Variants in MAST4 observed in about 807,000 individuals in gnomAD.
The protein encoded by MAST4 is microtubule associated serine/threonine kinase family member 4.
MAST4 carries 89 observed loss-of-function variants against 162.7 expected under a neutral mutation model. The ratio of observed to expected loss-of-function variants is 0.55; its 90% CI spans 0.46 to 0.65. MAST4 has a LOEUF of 0.65. MAST4 is among the 30% of genes least tolerant of loss of function. The pLI, the probability that MAST4 is intolerant of heterozygous loss-of-function variation, is 0.00. For missense variants in MAST4, 3,153 were observed against 3,374.0 expected (o/e 0.93, Z 1.62); for synonymous variants, 1,479 against 1,361.1 (o/e 1.09, Z -1.91).
chr5:66,681,790 T>C (rs1222399410), intron 1 of MAST4, among the ~76,000 whole-genome samples: 2 of 152,248 alleles, frequency 1.3e-5, no homozygotes, highest in Non-Finnish European at 2.9e-5. Context: ...CTGTCTTCTC[T>C]GTCCTCCCAA....
intron 5 of MAST4, among the ~76,000 whole-genome samples, chr5:67,055,900 A>G (rs1758746891): frequency 6.6e-6 from 1 of 152,010 alleles, no homozygotes; most frequent in African/African-American, 2.4e-5. Context: ...CGTGGATGAA[A>G]CTCAAATATA....
intron 4 of MAST4, among the ~76,000 whole-genome samples, chr5:67,049,058 T>TATAC (rs1284835940): frequency 4.7e-5 from 5 of 105,876 alleles, no homozygotes; most frequent in African/African-American, 1.6e-4. Flanking sequence ...TATATATATA[T>TATAC]ACGTATATAT....
At chr5:66,788,832 T>A in intron 3 of MAST4, 38 bp downstream of exon 3, 1 of 1,513,158 alleles carries the variant, frequency 6.6e-7, no homozygotes, top group Non-Finnish European at 8.8e-7. Context: ...CTGCTCCAGC[T>A]CACCACCTCT....
chr5:66,814,973 A>T (rs574340469), intron 3 of MAST4, among the ~76,000 whole-genome samples: 12 of 152,208 alleles, frequency 7.9e-5, no homozygotes, highest in African/African-American at 2.9e-4. Context: ...CTAGGTTTAT[A>T]TATTTGAATT....
chr5:66,810,051 T>C (rs1253229710), intron 3 of MAST4, among the ~76,000 whole-genome samples: 1 of 152,240 alleles, frequency 6.6e-6, no homozygotes, highest in Admixed American at 6.5e-5. Context: ...CACCATTGTA[T>C]AAATTGTCTG....
chr5:66,919,724 A>G (rs1764368074), intron 4 of MAST4, among the ~76,000 whole-genome samples: 1 of 152,046 alleles, frequency 6.6e-6, no homozygotes, highest in Non-Finnish European at 1.5e-5. Flanking sequence ...ACTCATATAA[A>G]AAACTAATAG....
At chr5:66,675,470 A>C (rs1747883070) in intron 1 of MAST4, among the ~76,000 whole-genome samples, 2 of 152,150 alleles carry the variant, frequency 1.3e-5, no homozygotes, top group Non-Finnish European at 2.9e-5. Flanking sequence ...GGTTGTGCTG[A>C]ATTTTAGAAA....
chr5:67,094,210 G>C (rs1303391657), intron 6 of MAST4: 1 of 1,377,940 alleles, frequency 7.3e-7, no homozygotes, highest in Non-Finnish European at 9.9e-7. Context: ...TCTGTGATTT[G>C]TCCACTTGAA....
chr5:67,150,433 A>G (rs1771662165), intron 24 of MAST4, among the ~76,000 whole-genome samples: 1 of 152,244 alleles, frequency 6.6e-6, no homozygotes, highest in South Asian at 2.1e-4. Flanking sequence ...GACATAAACA[A>G]ATGCTCATTT....
intron 3 of MAST4, among the ~76,000 whole-genome samples, chr5:66,804,683 A>AT (rs1756095171): frequency 6.6e-6 from 1 of 151,626 alleles, no homozygotes; most frequent in South Asian, 2.1e-4. Flanking sequence ...TTGATCTACC[A>AT]TTTTTTTTCT....
At position 67,107,688 on chromosome 5, in the gene MAST4, T is replaced by G. The variant is rs763638571; in HGVS notation, c.1357-2410T>G. 2.9e-4 allele frequency among the ~76,000 whole-genome samples: 44 copies of G among 152,228 alleles called. 1 individual carries two copies. Among genetic ancestry groups the G allele is most frequent in the Admixed American group, 2.0e-3 (31 of 15,288 alleles). ...TATCTCCTAACCATTTTTCCCATTG[T>G]CTGTCTTTTGCATAACCCAGGTAAA... On this transcript the variant is annotated intron_variant, in intron 10 of 28. Coordinates refer to ENST00000403625, the MANE Select transcript of MAST4 (RefSeq NM_001164664.2).
rs79103108 is a variant in MAST4, at chr5:66,742,348, G to A, written c.364-17361G>A. 5.6e-3 allele frequency among the ~76,000 whole-genome samples: 857 copies of A among 152,114 alleles called. 10 individuals are homozygous for A. Among genetic ancestry groups the A allele is most frequent in the African/African-American group, 0.019 (788 of 41,476 alleles). On this transcript the variant is annotated intron_variant, in intron 1 of 28. Coordinates refer to ENST00000403625, the MANE Select transcript of MAST4 (RefSeq NM_001164664.2). ...TTGTTCCCTGGGGTTCTTGTGTATTGGTGTGTTTTGTTTTTGCCCTTTAGG... is the reference window on the plus strand; with the variant it reads ...TTGTTCCCTGGGGTTCTTGTGTATTAGTGTGTTTTGTTTTTGCCCTTTAGG...
At position 66,619,686 on chromosome 5, in the gene MAST4, A is replaced by T. The variant is rs377143727; in HGVS notation, c.363+22668A>T. On this transcript the variant is annotated intron_variant, in intron 1 of 28. Coordinates refer to ENST00000403625, the MANE Select transcript of MAST4 (RefSeq NM_001164664.2). ...TCTGGGGAATATTTTAAATTTTATT[A>T]ACCTTGTACATATTTTGCCAGATTC... Among the ~76,000 whole-genome samples, 206 of 152,258 alleles carry T rather than the reference A, an allele frequency of 1.4e-3. 1 individual carries two copies. The highest frequency in any genetic ancestry group is 4.8e-3 in the African/African-American group (201 of 41,548).
At chr5:66,926,801 G>T (rs1438767642) in intron 4 of MAST4, among the ~76,000 whole-genome samples, 1 of 152,110 alleles carries the variant, frequency 6.6e-6, no homozygotes, top group Non-Finnish European at 1.5e-5. Context: ...TGATAGGACT[G>T]TGGCCGAGGA....
At chr5:67,023,325 T>C (rs994758708) in intron 4 of MAST4, among the ~76,000 whole-genome samples, 9 of 152,174 alleles carry the variant, frequency 5.9e-5, no homozygotes, top group African/African-American at 2.2e-4. Flanking sequence ...TCAGATAATA[T>C]CCCTCATCTT....
chr5:66,759,670 A>G, intron 1 of MAST4, 39 bp from the exon 2 acceptor site: 1 of 1,609,704 alleles, frequency 6.2e-7, no homozygotes. Context: ...GGCTGTGTTG[A>G]TGCCCTAGCC....
intron 3 of MAST4, among the ~76,000 whole-genome samples, chr5:66,879,094 A>G (rs536804330): frequency 2.0e-5 from 3 of 152,294 alleles, no homozygotes; most frequent in Non-Finnish European, 2.9e-5. Context: ...CCTGGCCAAC[A>G]TGGTGAAACC....
chr5:66,715,388 G>A (rs1053999636), intron 1 of MAST4, among the ~76,000 whole-genome samples: 2 of 151,748 alleles, frequency 1.3e-5, no homozygotes, highest in African/African-American at 4.8e-5. Flanking sequence ...TGATTTTTTT[G>A]GCATAAATCT....
At chr5:66,628,521 T>C (rs996957906) in intron 1 of MAST4, among the ~76,000 whole-genome samples, 2 of 152,126 alleles carry the variant, frequency 1.3e-5, no homozygotes, top group African/African-American at 4.8e-5. Context: ...GAGGGAATTC[T>C]ACTAGTGCTC....
Sources: allele counts gnomAD v4.1 joint callset (sites outside exome capture counted in the v4.1 genomes callset), GRCh38; gene constraint gnomAD v4.1.1; transcripts MANE v1.5; gene names NCBI Gene and HGNC (gene_info 2026-07-23, HGNC 2026-07-21).